AKR1C3: variants seen among roughly 807,000 people sequenced by gnomAD.
AKR1C3 encodes the protein 3-alpha hydroxysteroid dehydrogenase, type II.
AKR1C3 carries 48 observed loss-of-function variants against 43.6 expected under a neutral mutation model. The observed-to-expected ratio is 1.10, with a 90% confidence interval of 0.87 to 1.40. The LOEUF (loss-of-function observed/expected upper bound fraction) is 1.40, where lower values mean the gene tolerates loss of function less well. Ranked by LOEUF, AKR1C3 falls within the 40% of genes most tolerant of loss-of-function variation. The pLI, the probability that AKR1C3 is intolerant of heterozygous loss-of-function variation, is 0.00. For missense variants in AKR1C3, 482 were observed against 391.2 expected (o/e 1.23, Z -1.96); for synonymous variants, 162 against 139.6 (o/e 1.16, Z -1.13).
intron 1 of AKR1C3, among the ~76,000 whole-genome samples, chr10:5,057,069 AT>A (rs1554779672): frequency 2.0e-5 from 3 of 152,078 alleles, no homozygotes. Flanking sequence ...CCTCAGTCCT[AT>A]TGTTGGATCA....
At chr10:5,084,837 C>A (rs1838925090) in intron 1 of AKR1C3, among the ~76,000 whole-genome samples, 1 of 152,122 alleles carries the variant, frequency 6.6e-6, no homozygotes, top group Non-Finnish European at 1.5e-5. Context: ...CTCTTTGAAG[C>A]AATTATGAAT....
At chr10:5,098,916 CAAAA>C in intron 4 of AKR1C3, 37 bp downstream of exon 4, 1 of 1,514,588 alleles carries the variant, frequency 6.6e-7, no homozygotes, top group Non-Finnish European at 9.0e-7. Context: ...AGAAGGATGA[CAAAA>C]AGAGAAAATC....
At chr10:5,051,365 G>A (rs1564350482) in intron 1 of AKR1C3, among the ~76,000 whole-genome samples, 1 of 152,198 alleles carries the variant, frequency 6.6e-6, no homozygotes, top group Non-Finnish European at 1.5e-5. Flanking sequence ...CCAAAGTGCT[G>A]GGATTACAGG....
At chr10:5,087,376 CTTTCTTTT>C (rs1838991980) in intron 1 of AKR1C3, among the ~76,000 whole-genome samples, 1 of 45,360 alleles carries the variant, frequency 2.2e-5, no homozygotes. Context: ...TTTATCATTT[CTTTCTTTT>C]TTTTTTTTTT....
chr10:5,103,026 A>G (rs1378066524), intron 7 of AKR1C3, among the ~76,000 whole-genome samples: 2 of 149,552 alleles, frequency 1.3e-5, no homozygotes, highest in Admixed American at 6.6e-5. Flanking sequence ...AGTAGCTGGG[A>G]TTACAGGTGC....
intron 1 of AKR1C3, among the ~76,000 whole-genome samples, chr10:5,050,640 G>A (rs1838135225): frequency 6.6e-6 from 1 of 152,058 alleles, no homozygotes; most frequent in Non-Finnish European, 1.5e-5. Context: ...AACATAAAAA[G>A]GAAATTATTA....
At chr10:5,058,169 T>A (rs1226809090) in intron 1 of AKR1C3, among the ~76,000 whole-genome samples, 1 of 151,720 alleles carries the variant, frequency 6.6e-6, no homozygotes, top group Non-Finnish European at 1.5e-5. Flanking sequence ...GGAAGGGGAG[T>A]TATAGGGAGG....
At chr10:5,077,057 ATC>A (rs1239732614) in intron 1 of AKR1C3, among the ~76,000 whole-genome samples, 2 of 152,122 alleles carry the variant, frequency 1.3e-5, no homozygotes, top group Non-Finnish European at 2.9e-5. Context: ...GTTCATTGAA[ATC>A]TCTAGCCATT....
At chr10:5,082,742 G>A (rs1265724091) in intron 1 of AKR1C3, among the ~76,000 whole-genome samples, 1 of 152,108 alleles carries the variant, frequency 6.6e-6, no homozygotes, top group Admixed American at 6.6e-5. Flanking sequence ...CCAAGGATAT[G>A]TTCCTCTAGT....
At position 5,070,810 on chromosome 10, in the gene AKR1C3, A is replaced by G. The variant is rs188498723; in HGVS notation, c.84+21915A>G. On this transcript the variant is annotated intron_variant, in intron 1 of 8. Transcript: ENST00000439082. Reference sequence around the variant, plus strand: ...TAGACACTAAATTTGTCTGCACTTGATCTTGAGCTTCTAGCCTCCAGATCT... The same window carrying G: ...TAGACACTAAATTTGTCTGCACTTGGTCTTGAGCTTCTAGCCTCCAGATCT... Among the ~76,000 whole-genome samples, 298 of 152,294 alleles carry G rather than the reference A, an allele frequency of 2.0e-3. 2 individuals are homozygous for G. Among genetic ancestry groups the G allele is most frequent in the African/African-American group, 7.0e-3 (290 of 41,566 alleles).
intron 1 of AKR1C3, among the ~76,000 whole-genome samples, chr10:5,071,101 A>G (rs1477571295): frequency 3.4e-4 from 51 of 152,222 alleles, no homozygotes; most frequent in Non-Finnish European, 1.5e-5. Flanking sequence ...ACAGAGAATT[A>G]TATGGCTGTA....
At chr10:5,059,225 T>G (rs1459280590) in intron 1 of AKR1C3, among the ~76,000 whole-genome samples, 2 of 151,998 alleles carry the variant, frequency 1.3e-5, no homozygotes, top group African/African-American at 4.8e-5. Context: ...GGTAACAGAG[T>G]TGATACTAGA....
intron 1 of AKR1C3, among the ~76,000 whole-genome samples, chr10:5,095,654 A>G (rs17396032): frequency 0.041 from 6,258 of 152,212 alleles, 193 homozygotes; most frequent in Non-Finnish European, 0.065. Flanking sequence ...AATTTGGTCA[A>G]TAAGTCAGTA....
chr10:5,098,959 G>T, intron 4 of AKR1C3, 80 bp downstream of exon 4: 1 of 1,153,568 alleles, frequency 8.7e-7, no homozygotes, highest in South Asian at 1.4e-5. Flanking sequence ...GGAAAGAATG[G>T]AATATGCACC....
chr10:5,095,286 G>T (rs1169487564), intron 1 of AKR1C3, among the ~76,000 whole-genome samples: 1 of 151,972 alleles, frequency 6.6e-6, no homozygotes, highest in African/African-American at 2.4e-5. Flanking sequence ...ACTAATTATT[G>T]AAATTTGAGT....
intron 1 of AKR1C3, among the ~76,000 whole-genome samples, chr10:5,056,900 A>G (rs957671161): frequency 5.9e-5 from 9 of 152,212 alleles, no homozygotes; most frequent in Admixed American, 5.9e-4. Flanking sequence ...GATTCCTCGG[A>G]TGGTAACAGA....
At chr10:5,077,602 G>C in intron 1 of AKR1C3, 1 of 947,482 alleles carries the variant, frequency 1.1e-6, no homozygotes, top group Non-Finnish European at 1.3e-6. Context: ...CATTAAAGTT[G>C]ATTTAATTGC....
intron 1 of AKR1C3, among the ~76,000 whole-genome samples, chr10:5,059,770 G>A (rs1398783171): frequency 1.3e-5 from 2 of 152,166 alleles, no homozygotes; most frequent in African/African-American, 4.8e-5. Flanking sequence ...CTCAGTGATA[G>A]CTGATGGTCT....
Position 5,097,566 on chromosome 10 carries a change from G to T in AKR1C3, c.369+16G>T, listed in dbSNP as rs1554785349. On this transcript the variant is annotated intron_variant, in intron 3 of 8. Coordinates refer to ENST00000380554, the MANE Select transcript of AKR1C3 (RefSeq NM_003739.6). The stretch of plus-strand genomic sequence containing the variant: ...GTCTCTAAAGGTATGCAGTTTGTAT[G>T]AGCATAAAATTGCGCTTCTGCTGTC... 1.2e-6 allele frequency: 2 copies of T among 1,613,100 alleles called. No individual in the cohort carries two copies. Among genetic ancestry groups the T allele is most frequent in the Middle Eastern group, 1.7e-4 (1 of 6,054 alleles).
Sources: gnomAD v4.1 joint callset for allele counts (sites outside exome capture counted in the v4.1 genomes callset) on GRCh38, gnomAD v4.1.1 for gene constraint, MANE v1.5 for transcripts, NCBI Gene and HGNC (gene_info 2026-07-23, HGNC 2026-07-21) for gene names.